The following TIMELESS variants were observed in gnomAD, a reference collection of about 807,000 sequenced individuals.
The protein encoded by TIMELESS is protein timeless homolog.
In TIMELESS, 124 loss-of-function variants were observed where a neutral mutation model predicts 164.3. The observed-to-expected ratio is 0.75, with a 90% CI of 0.65 to 0.88. The LOEUF (loss-of-function observed/expected upper bound fraction) is 0.88. Among genes scored for constraint, TIMELESS ranks in the 40% least tolerant of loss-of-function variants. The probability of loss-of-function intolerance (pLI) is 0.00; values close to 1 mark genes in which losing one functional copy is unlikely to be tolerated. For missense variants in TIMELESS, 1,422 were observed against 1,491.4 expected, an observed-to-expected ratio of 0.95 and a Z score of 0.77; for synonymous variants, 564 against 563.4, an observed-to-expected ratio of 1.00 and a Z score of -0.02.
At chr12:56,430,072 CTGAT>C (rs768261901) in intron 10 of TIMELESS, 29 bp downstream of exon 10, 3 of 1,575,042 alleles carry the variant, frequency 1.9e-6, no homozygotes, top group Non-Finnish European at 2.6e-6. Flanking sequence ...TATTCCATTC[CTGAT>C]TATCTCCATA....
chr12:56,434,442 TA>T (rs1283063841), intron 1 of TIMELESS, among the ~76,000 whole-genome samples: 1 of 152,158 alleles, frequency 6.6e-6, no homozygotes, highest in Non-Finnish European at 1.5e-5. Flanking sequence ...GCCTATGAAT[TA>T]AGCACCTACC....
intron 27 of TIMELESS, 22 bp from the exon 28 acceptor site, chr12:56,418,030 CA>C: frequency 6.2e-7 from 1 of 1,614,156 alleles, no homozygotes; most frequent in South Asian, 1.1e-5. Context: ...ATAAATGACA[CA>C]AAATTAGGAA....
At chr12:56,442,204 A>C (rs540354566) in intron 1 of TIMELESS, among the ~76,000 whole-genome samples, 3 of 152,124 alleles carry the variant, frequency 2.0e-5, no homozygotes, top group Non-Finnish European at 2.9e-5. Flanking sequence ...AAACTAAAAA[A>C]CTAGTACTCT....
rs560372601 is a variant in TIMELESS at position 56,445,464 on chromosome 12, T to C, written c.-62+3846A>G. 6.6e-3 allele frequency among the ~76,000 whole-genome samples: 652 copies of C among 99,230 alleles called. 2 individuals are homozygous for C. Among genetic ancestry groups the C allele is most frequent in the Middle Eastern group, 0.012 (1 of 86 alleles). 65.1% of individuals were successfully genotyped at this position (99,230 alleles called of 152,430 possible). On this transcript the variant is annotated intron_variant, in intron 1 of 28. Transcript: ENST00000553532. Reference sequence around the variant, plus strand: ...AAAAAAAAAAAAAAAAGAGGCTGGATGTGGTGGCTCATGCCTGTAATCCCA... The same window carrying C: ...AAAAAAAAAAAAAAAAGAGGCTGGACGTGGTGGCTCATGCCTGTAATCCCA...
chr12:56,445,694 C>A (rs1868341722), intron 1 of TIMELESS, among the ~76,000 whole-genome samples: 1 of 151,508 alleles, frequency 6.6e-6, no homozygotes, highest in Admixed American at 6.6e-5. Flanking sequence ...CGCACCACTG[C>A]ACTCCAGCCT....
chr12:56,444,742 A>G (rs1480003615), intron 1 of TIMELESS, among the ~76,000 whole-genome samples: 2 of 151,994 alleles, frequency 1.3e-5, no homozygotes, highest in Non-Finnish European at 2.9e-5. Flanking sequence ...AAAATCCAAC[A>G]TAAAATAAAA....
intron 1 of TIMELESS, among the ~76,000 whole-genome samples, chr12:56,448,949 AC>A (rs1389127577): frequency 6.6e-6 from 1 of 151,986 alleles, no homozygotes; most frequent in Non-Finnish European, 1.5e-5. Context: ...CAGGCCACAC[AC>A]CGGTTTTTTT....
Position 56,431,603 on chromosome 12 carries a change from T to C in TIMELESS, c.689A>G (p.Asn230Ser), listed in dbSNP as rs1186661613. Reference sequence around the variant, plus strand: ...CCCTACTCCCGCCAGCTGCTCGGGGTTCTAGATTGGAACAAAGAGGGAAGA... The same window carrying C: ...CCCTACTCCCGCCAGCTGCTCGGGGCTCTAGATTGGAACAAAGAGGGAAGA... ...EIVSLMFRDQNPEQLAGVGQG... is the reference protein window; with the variant it reads ...EIVSLMFRDQSPEQLAGVGQG... The change falls in exon 8 of 29, where the codon AAC becomes AGC. Residue 230 changes from asparagine to serine, a missense_variant and splice_region_variant. Asn to Ser is a conservative substitution (Grantham distance 46). Transcript: ENST00000553532. 1 of 1,609,814 alleles carries C rather than the reference T, an allele frequency of 6.2e-7. No homozygotes were observed. The highest frequency in any genetic ancestry group is 2.2e-5 in the East Asian group (1 of 44,674).
chr12:56,430,888 A>C lies in TIMELESS; in HGVS notation c.902T>G (p.Leu301Arg). Residue 301 changes from leucine (L) to arginine (R), a missense_variant, in exon 9 of 29, where the codon CTT (leucine) becomes CGT (arginine). Physicochemically the swap from Leu to Arg is moderately radical, Grantham distance 102. Transcript: ENST00000553532. Reference protein sequence around the residue: ...GERDLIFHKGLHNLRNYSSDL... With the variant: ...GERDLIFHKGRHNLRNYSSDL... ...AGATGTAAGAATACTCACGTTGTGA[A>C]GGCCTTTGTGAAAGATGAGGTCCCT... The C allele has an allele frequency of 6.3e-7, 1 of 1,598,096 alleles. No homozygotes were observed. The highest frequency in any genetic ancestry group is 1.1e-5 in the South Asian group (1 of 89,210).
chr12:56,449,399 C>G lies in TIMELESS; in HGVS notation c.-151G>C, dbSNP rs1868498067. Reference sequence around the variant, plus strand: ...TTTCCGCCACCAGGCTCAGCTGGACCGGTCCCCGCCTGCGCGAAGAGCGAG... The same window carrying G: ...TTTCCGCCACCAGGCTCAGCTGGACGGGTCCCCGCCTGCGCGAAGAGCGAG... On this transcript the variant is annotated 5_prime_UTR_variant, in exon 1 of 29. Transcript: ENST00000553532. The G allele has an allele frequency of 6.6e-6, 1 of 152,114 alleles. No individual in the cohort carries two copies. 9.4% of individuals were successfully genotyped at this position (152,114 alleles called of 1,614,324 possible). A position where few individuals can be genotyped will look rare whatever the true frequency, so the allele number is the denominator to read the frequency against.
chr12:56,431,307 T>A (rs1881870352), intron 8 of TIMELESS, among the ~76,000 whole-genome samples, 164 bp downstream of exon 8: 1 of 148,154 alleles, frequency 6.7e-6, no homozygotes, highest in Non-Finnish European at 1.5e-5. Flanking sequence ...TGAGCAGAGA[T>A]CGTGCCAGTG....
Position 56,429,019 on chromosome 12 carries a change from G to C in TIMELESS, c.1168C>G (p.Arg390Gly), listed in dbSNP as rs1209709585. 1 of 1,614,092 alleles carries C rather than the reference G, an allele frequency of 6.2e-7. No individual in the cohort carries two copies. The highest frequency in any genetic ancestry group is 1.7e-5 in the Admixed American group (1 of 59,992). ...WALAFFMAFN[R>G]AASFRPGLVS... ...AGGCCTGGCCGGAAGGAGGCAGCTC[G>C]GTTGAAGGCCATGAAGAAAGCCAAG... The change falls in exon 11 of 29, where the codon CGA becomes GGA. Residue 390 changes from arginine to glycine, a missense_variant. Coordinates refer to ENST00000553532, the MANE Select transcript of TIMELESS (RefSeq NM_003920.5).
chr12:56,430,063 A>C (rs374706262), intron 10 of TIMELESS, 42 bp downstream of exon 10: 36 of 1,566,670 alleles, frequency 2.3e-5, no homozygotes, highest in Non-Finnish European at 3.1e-5. Context: ...TCACCTGTCT[A>C]TTCCATTCCT....
Position 56,433,567 on chromosome 12 carries a change from C to T in TIMELESS, c.337G>A (p.Val113Met), listed in dbSNP as rs1255974098. 4 of 1,614,080 alleles carry T rather than the reference C, an allele frequency of 2.5e-6. No individual in the cohort carries two copies. The highest frequency in any genetic ancestry group is 1.3e-5 in the African/African-American group (1 of 74,932). ...EPSFRHHFLQ[V>M]LTYLQAYKEA... is the part of the protein sequence containing the mutation. ...TTGTAGGCCTGCAAATAAGTTAGCA[C>T]CTGCAAAAAATGGTGCCGAAAGCTG... Residue 113 changes from valine to methionine, a missense_variant, in exon 4 of 29, where the codon GTG becomes ATG. Coordinates refer to ENST00000553532, the MANE Select transcript of TIMELESS (RefSeq NM_003920.5).
chr12:56,435,143 G>T (rs1355264620), intron 1 of TIMELESS, among the ~76,000 whole-genome samples: 1 of 152,108 alleles, frequency 6.6e-6, no homozygotes, highest in Non-Finnish European at 1.5e-5. Context: ...TGGCCATACA[G>T]TGATTCCACC....
At position 56,429,024 on chromosome 12, in the gene TIMELESS, A is replaced by G. The variant is rs779430742; in HGVS notation, c.1163T>C (p.Phe388Ser). ...TGGCCGGAAGGAGGCAGCTCGGTTGAAGGCCATGAAGAAAGCCAAGGCCCA... is the reference window on the plus strand; with the variant it reads ...TGGCCGGAAGGAGGCAGCTCGGTTGGAGGCCATGAAGAAAGCCAAGGCCCA... ...YMWALAFFMA[F>S]NRAASFRPGL... Residue 388 changes from phenylalanine to serine, a missense_variant, in exon 11 of 29, where the codon TTC (phenylalanine) becomes TCC (serine). Transcript: ENST00000553532. 2.5e-6 allele frequency: 4 copies of G among 1,614,036 alleles called. No individual in the cohort carries two copies. Among genetic ancestry groups the G allele is most frequent in the African/African-American group, 2.7e-5 (2 of 74,916 alleles).
At chr12:56,430,384 G>C in intron 9 of TIMELESS, 103 bp from the exon 10 acceptor site, 1 of 1,356,032 alleles carries the variant, frequency 7.4e-7, no homozygotes, top group Non-Finnish European at 1.0e-6. Flanking sequence ...TTTTTCTTTT[G>C]AGACAAGAAC....
intron 1 of TIMELESS, among the ~76,000 whole-genome samples, chr12:56,442,940 A>C (rs1868297516): frequency 6.6e-6 from 1 of 152,180 alleles, no homozygotes; most frequent in Admixed American, 6.5e-5. Flanking sequence ...TACTCTTATA[A>C]TTTCCTATGC....
In TIMELESS at chr12:56,424,821, G is replaced by A; in HGVS notation, c.1809C>T (p.Ile603=). The A allele has an allele frequency of 1.2e-6, 2 of 1,614,196 alleles. No individual in the cohort carries two copies. Among genetic ancestry groups the A allele is most frequent in the Non-Finnish European group, 1.7e-6 (2 of 1,180,042 alleles). ...CCTGGCCAGCCAGGAGACAGTCTTG[G>A]ATCCGTACCATAGCTTCTGCCCGCT... ...EEQRAEAMVR[I]QDCLLAGQAP... is the part of the protein sequence containing the mutation. The change falls in exon 15 of 29, where the codon ATC becomes ATT. Residue 603 remains isoleucine (I), a synonymous_variant. Coordinates refer to ENST00000553532, the MANE Select transcript of TIMELESS (RefSeq NM_003920.5).
Sources: allele counts gnomAD v4.1 joint callset (sites outside exome capture counted in the v4.1 genomes callset), GRCh38; gene constraint gnomAD v4.1.1; transcripts MANE v1.5; gene names NCBI Gene and HGNC (gene_info 2026-07-23, HGNC 2026-07-21).